Variants in CFAP54 observed in about 807,000 individuals in gnomAD.
CFAP54 encodes cilia- and flagella-associated protein 54.
CFAP54 carries 290 observed loss-of-function variants against 370.4 expected under a neutral mutation model. That is an observed-to-expected ratio of 0.78 (90% CI 0.71 to 0.86). The LOEUF (loss-of-function observed/expected upper bound fraction) is 0.86. Among genes scored for constraint, CFAP54 ranks in the 40% least tolerant of loss-of-function variants. The pLI is 0.00. For synonymous variants in CFAP54, 1,206 were observed against 1,236.5 expected (o/e 0.98, Z 0.52); for missense variants, 3,399 against 3,528.7 (o/e 0.96, Z 0.93).
At chr12:96,611,286 T>G (rs7967458) in intron 26 of CFAP54, among the ~76,000 whole-genome samples, 33 of 152,106 alleles carry the variant, frequency 2.2e-4, no homozygotes, top group African/African-American at 7.5e-4. Flanking sequence ...GCGTCTGGAG[T>G]GGACCTCCAG....
At chr12:96,640,428 A>G (rs1271718539) in intron 32 of CFAP54, among the ~76,000 whole-genome samples, 1 of 152,234 alleles carries the variant, frequency 6.6e-6, no homozygotes, top group East Asian at 1.9e-4. Flanking sequence ...ATAAAAGAGG[A>G]TAAAAACCAG....
intron 67 of CFAP54, among the ~76,000 whole-genome samples, chr12:96,874,140 G>A (rs1334729916): frequency 6.6e-6 from 1 of 151,946 alleles, no homozygotes; most frequent in African/African-American, 2.4e-5. Context: ...AAGTTTAATC[G>A]AATTTTAAAC....
intron 66 of CFAP54, among the ~76,000 whole-genome samples, chr12:96,833,032 T>C (rs1021842348): frequency 6.6e-6 from 1 of 152,216 alleles, no homozygotes; most frequent in African/African-American, 2.4e-5. Context: ...CTATGTTAAC[T>C]CTTCCTAATT....
At chr12:96,792,527 AT>A in intron 63 of CFAP54, 28 bp downstream of exon 63, 1 of 1,477,834 alleles carries the variant, frequency 6.8e-7, no homozygotes, top group Non-Finnish European at 9.0e-7. Flanking sequence ...AGAACTCAAT[AT>A]TTCATTTATA....
intron 42 of CFAP54, among the ~76,000 whole-genome samples, chr12:96,686,853 G>A (rs536531658): frequency 6.6e-6 from 1 of 152,296 alleles, no homozygotes; most frequent in African/African-American, 2.4e-5. Context: ...AATACATACT[G>A]TATTAGTGTC....
intron 63 of CFAP54, among the ~76,000 whole-genome samples, chr12:96,810,466 A>G (rs1455190089): frequency 6.6e-6 from 1 of 152,196 alleles, no homozygotes; most frequent in East Asian, 1.9e-4. Flanking sequence ...CCTCTTCTAA[A>G]GATTTGGGTC....
intron 46 of CFAP54, among the ~76,000 whole-genome samples, chr12:96,703,033 T>G (rs529249340): frequency 6.6e-6 from 1 of 152,340 alleles, no homozygotes; most frequent in Non-Finnish European, 1.5e-5. Context: ...ATTCAGTTAC[T>G]CACTTTTCAA....
intron 22 of CFAP54, among the ~76,000 whole-genome samples, chr12:96,587,068 A>G (rs1272942511): frequency 2.0e-5 from 3 of 152,198 alleles, no homozygotes; most frequent in Admixed American, 2.0e-4. Flanking sequence ...GACAGAGTTG[A>G]CATCAACTGA....
chr12:96,808,715 C>A (rs562873079), intron 63 of CFAP54, among the ~76,000 whole-genome samples: 1 of 152,260 alleles, frequency 6.6e-6, no homozygotes, highest in Non-Finnish European at 1.5e-5. Context: ...AGCTGCCAAT[C>A]ATTAGTATGC....
chr12:96,519,893 C>T, intron 6 of CFAP54, among the ~76,000 whole-genome samples: 1 of 152,200 alleles, frequency 6.6e-6, no homozygotes, highest in East Asian at 1.9e-4. Context: ...GTTGTCTTTC[C>T]ATCCTCACTT....
chr12:96,686,043 C>T (rs983868801), intron 42 of CFAP54, among the ~76,000 whole-genome samples: 1 of 152,210 alleles, frequency 6.6e-6, no homozygotes, highest in East Asian at 1.9e-4. Context: ...ACATGCTATA[C>T]TGCATCAGTT....
intron 40 of CFAP54, among the ~76,000 whole-genome samples, chr12:96,681,197 C>T (rs7315260): frequency 0.69 from 105,191 of 151,836 alleles, 37,004 homozygotes; most frequent in African/African-American, 0.79. Context: ...TATACCAACT[C>T]GCTCTGAATC....
chr12:96,675,530 C>T (rs546319455), intron 39 of CFAP54, among the ~76,000 whole-genome samples: 3 of 152,108 alleles, frequency 2.0e-5, no homozygotes, highest in East Asian at 1.9e-4. Flanking sequence ...GTCAGTGTGG[C>T]GATTCCTTAG....
At position 96,786,851 on chromosome 12, in the gene CFAP54, G is replaced by T; in HGVS notation, c.8632G>T (p.Glu2878Ter). ...TCCAAAAGAACTTCTTTGTCAACTG[G>T]AAAATCCCCCTCTTTCAGAAAAAGA... ...EFPKELLCQLENPPLSEKDLR... is the reference protein window; with the variant it reads ...EFPKELLCQL The change falls in exon 62 of 68, where the codon GAA becomes TAA. Residue 2878 changes from glutamate (E) to a stop codon, truncating the protein, a stop_gained. Transcript: ENST00000524981. LOFTEE classifies it high-confidence loss of function. 1 of 1,535,394 alleles carries T rather than the reference G, an allele frequency of 6.5e-7. No homozygotes were observed. Among genetic ancestry groups the T allele is most frequent in the South Asian group, 1.2e-5 (1 of 83,950 alleles).
rs772343557 is a variant in CFAP54, at chr12:96,708,606, A to G, written c.6529-2A>G. On this transcript the variant is annotated splice_acceptor_variant, in intron 47 of 67. Transcript: ENST00000524981. LOFTEE classifies it high-confidence loss of function. Reference sequence around the variant, plus strand: ...CTCTTTTTCCTTTTTTCCATTTTTTAGGCAATTGATGAATTAAGAAATAAA... The same window carrying G: ...CTCTTTTTCCTTTTTTCCATTTTTTGGGCAATTGATGAATTAAGAAATAAA... The G allele has an allele frequency of 1.9e-6, 3 of 1,581,482 alleles. No homozygotes were observed.
chr12:96,737,474 ATT>A (rs1957992735), intron 50 of CFAP54, among the ~76,000 whole-genome samples: 1 of 146,816 alleles, frequency 6.8e-6, no homozygotes, highest in Non-Finnish European at 1.5e-5. Context: ...TATATATTAT[ATT>A]TTATATATAT....
chr12:96,667,382 GA>G (rs1414505319), intron 39 of CFAP54, among the ~76,000 whole-genome samples: 1 of 152,224 alleles, frequency 6.6e-6, no homozygotes, highest in African/African-American at 2.4e-5. Context: ...ACCCCTGCAG[GA>G]AACTTCTGCC....
intron 24 of CFAP54, among the ~76,000 whole-genome samples, 153 bp from the exon 25 acceptor site, chr12:96,594,138 G>A (rs779450147): frequency 6.6e-6 from 1 of 152,110 alleles, no homozygotes; most frequent in Non-Finnish European, 1.5e-5. Context: ...CATTATTGGA[G>A]AGTTAGAGTT....
At chr12:96,751,521 A>G (rs1458699061) in intron 55 of CFAP54, among the ~76,000 whole-genome samples, 1 of 152,152 alleles carries the variant, frequency 6.6e-6, no homozygotes, top group African/African-American at 2.4e-5. Flanking sequence ...TTATATATAC[A>G]TATATGTGGC....
Sources: allele counts gnomAD v4.1 joint callset (sites outside exome capture counted in the v4.1 genomes callset), GRCh38; gene constraint gnomAD v4.1.1; transcripts MANE v1.5; gene names NCBI Gene and HGNC (gene_info 2026-07-23, HGNC 2026-07-21).